DIP2C: variants seen among roughly 807,000 people sequenced by gnomAD.
DIP2C encodes disco-interacting protein 2 homolog C.
Under a neutral mutation model 192.4 loss-of-function variants are expected in DIP2C, and 33 were observed. The observed-to-expected ratio is 0.17, with a 90% CI of 0.13 to 0.23. The LOEUF is 0.23. DIP2C is among the 10% of genes least tolerant of loss of function. The probability of loss-of-function intolerance (pLI) is 1.00; values close to 1 mark genes in which losing one functional copy is unlikely to be tolerated. For synonymous variants in DIP2C, 979 were observed against 864.1 expected (o/e 1.13, Z -2.33); for missense variants, 1,537 against 2,110.1 (o/e 0.73, Z 5.32).
intron 1 of DIP2C, among the ~76,000 whole-genome samples, chr10:584,915 ACC>A (rs1850915880): frequency 8.3e-6 from 1 of 119,994 alleles, no homozygotes; most frequent in Admixed American, 9.1e-5. Flanking sequence ...AGGGCCCGCG[ACC>A]TGACCCCCAC....
intron 14 of DIP2C, 108 bp downstream of exon 14, chr10:387,637 G>T: frequency 1.1e-6 from 1 of 884,140 alleles, no homozygotes; most frequent in Non-Finnish European, 1.9e-6. Flanking sequence ...GTGGGGAGGG[G>T]ACTCCTGTGT....
chr10:358,527 G>A (rs574485734), intron 22 of DIP2C, among the ~76,000 whole-genome samples: 4 of 127,268 alleles, frequency 3.1e-5, no homozygotes, highest in Non-Finnish European at 4.9e-5. Context: ...ATAAACCAAG[G>A]GCTGTCATAA....
Position 277,040 on chromosome 10 carries a change from T to C in DIP2C, c.*285A>G, listed in dbSNP as rs1189711276. The C allele has an allele frequency of 9.0e-6, 3 of 332,320 alleles. No homozygotes were observed. The highest frequency in any genetic ancestry group is 5.1e-5 in the East Asian group (1 of 19,744). The allele number at this position is 332,320 out of a possible 1,614,324, so 20.6% of individuals were successfully genotyped here. On this transcript the variant is annotated 3_prime_UTR_variant, in exon 37 of 37. Transcript: ENST00000280886. ...GAAGAAAGCACTTATTATCCAATAA[T>C]TAAAAAAGAAAGAAAAGAAAAGAAA...
chr10:390,191 T>C lies in DIP2C; in HGVS notation c.1494+73A>G, dbSNP rs139401343. On this transcript the variant is annotated intron_variant, in intron 12 of 36. Transcript: ENST00000280886. ...CCAAGTCCCTGAATTTTGGCACTCG[T>C]GTAACCGTCAGAAACACACGTTAGT... 7.1e-5 allele frequency: 113 copies of C among 1,592,060 alleles called. No individual in the cohort carries two copies. The East Asian group carries it at 2.3e-3, about 32-fold the overall frequency.
chr10:434,021 C>G (rs1966975695), intron 4 of DIP2C, among the ~76,000 whole-genome samples: 1 of 151,810 alleles, frequency 6.6e-6, no homozygotes, highest in Admixed American at 6.6e-5. Context: ...CACAAGTAAC[C>G]CAAGCCCACT....
chr10:499,829 G>A (rs1193744217), intron 1 of DIP2C, among the ~76,000 whole-genome samples: 1 of 152,234 alleles, frequency 6.6e-6, no homozygotes, highest in African/African-American at 2.4e-5. Context: ...AAGGAACTCT[G>A]AAATGTCTAG....
At chr10:293,029 T>C (rs1249705256) in intron 32 of DIP2C, among the ~76,000 whole-genome samples, 1 of 152,254 alleles carries the variant, frequency 6.6e-6, no homozygotes, top group Non-Finnish European at 1.5e-5. Context: ...TGCGCCGGCA[T>C]ACGGCAGCAC....
chr10:291,664 G>A (rs370265960), intron 32 of DIP2C, among the ~76,000 whole-genome samples: 2 of 152,204 alleles, frequency 1.3e-5, no homozygotes, highest in African/African-American at 4.8e-5. Flanking sequence ...GTTAAGACCC[G>A]GGTCAAAGTG....
In DIP2C at chr10:651,270, TC is replaced by T; in HGVS notation, c.85+38223del. On this transcript the variant is annotated intron_variant, in intron 1 of 36. Transcript: ENST00000280886. This position sits in a 1 kb window ranked among gnomAD's most constrained non-coding sequence, Gnocchi z 4.1. ...CGTGGGTTCCGGTCACCAGTCGGCCTCCCCCACCAACGTGGACTCCTTACAA... is the reference window on the plus strand; with the variant it reads ...CGTGGGTTCCGGTCACCAGTCGGCCTCCCCACCAACGTGGACTCCTTACAA... 2.8e-6 allele frequency: 2 copies of T among 713,616 alleles called. No individual in the cohort carries two copies. 44.2% of individuals were successfully genotyped at this position (713,616 alleles called of 1,614,324 possible).
chr10:546,519 C>T (rs1848295522), intron 1 of DIP2C, among the ~76,000 whole-genome samples: 1 of 152,172 alleles, frequency 6.6e-6, no homozygotes, highest in South Asian at 2.1e-4. Flanking sequence ...TGTCTGATCC[C>T]ATGCTATATA....
Position 438,680 on chromosome 10 carries a change from A to G in DIP2C, c.394+2191T>C, listed in dbSNP as rs533130662. On this transcript the variant is annotated intron_variant, in intron 4 of 36. Transcript: ENST00000280886. ...TGATTTCTGTATTTTTGGTGGAGAC[A>G]GGGTTTTGGAATGTTGCCCAGGCTG... Among the ~76,000 whole-genome samples the G allele has an allele frequency of 8.6e-5, 13 of 151,842 alleles. No individual in the cohort carries two copies. The East Asian group carries it at 1.9e-3, about 23-fold the overall frequency.
At position 382,775 on chromosome 10, in the gene DIP2C, G is replaced by T. The variant is rs777130114; in HGVS notation, c.1877-14C>A. The T allele has an allele frequency of 6.4e-7, 1 of 1,573,830 alleles. No individual in the cohort carries two copies. The highest frequency in any genetic ancestry group is 8.7e-7 in the Non-Finnish European group (1 of 1,149,432). Reference sequence around the variant, plus strand: ...AAGAAATAGACCCTAGAGTGAAAGAGGGACAATGATCAGACAGCTGAAGCA... The same window carrying T: ...AAGAAATAGACCCTAGAGTGAAAGATGGACAATGATCAGACAGCTGAAGCA... On this transcript the variant is annotated splice_polypyrimidine_tract_variant and intron_variant, in intron 16 of 36. Transcript: ENST00000280886.
In DIP2C at chr10:383,963, G is replaced by GAA; in HGVS notation, c.1876+62_1876+63dup. The GAA allele has an allele frequency of 1.4e-5, 17 of 1,179,602 alleles. No individual in the cohort carries two copies. The South Asian group carries it at 1.7e-4, about 12-fold the overall frequency. 73.1% of individuals were successfully genotyped at this position (1,179,602 alleles called of 1,614,324 possible). A position where few individuals can be genotyped will look rare whatever the true frequency, so the allele number is the denominator to read the frequency against. Reference sequence around the variant, plus strand: ...AGACTTCACAGCCTGCCTGCCTCACGAAAAAAAAAAAAAAAAGACTCCACA... The same window carrying GAA: ...AGACTTCACAGCCTGCCTGCCTCACGAAAAAAAAAAAAAAAAAAGACTCCACA... On this transcript the variant is annotated intron_variant, in intron 16 of 36. Coordinates refer to ENST00000280886, the MANE Select transcript of DIP2C (RefSeq NM_014974.3).
chr10:337,193 G>C (rs953054353), intron 29 of DIP2C, among the ~76,000 whole-genome samples: 3 of 126,616 alleles, frequency 2.4e-5, no homozygotes, highest in Admixed American at 1.8e-4. Flanking sequence ...TGGAGGCCTA[G>C]GCAGCTGTCT....
At position 689,371 on chromosome 10, in the gene DIP2C, T is replaced by G; in HGVS notation, c.85+123A>C. 1 of 441,660 alleles carries G rather than the reference T, an allele frequency of 2.3e-6. No individual in the cohort carries two copies. The highest frequency in any genetic ancestry group is 3.0e-6 in the Non-Finnish European group (1 of 331,204). The allele number at this position is 441,660 out of a possible 1,614,324, so 27.4% of individuals were successfully genotyped here. A position where few individuals can be genotyped will look rare whatever the true frequency, so the allele number is the denominator to read the frequency against. On this transcript the variant is annotated intron_variant, in intron 1 of 36. Coordinates refer to ENST00000280886, the MANE Select transcript of DIP2C (RefSeq NM_014974.3). This position sits in a 1 kb window ranked among gnomAD's most constrained non-coding sequence, Gnocchi z 6.1. ...TCCGGGGGACGCGCACGCTCCGGGC[T>G]GGGGTCGCACCTCCCCCTCCGGGCC...
At chr10:455,475 T>G (rs1969225816) in intron 3 of DIP2C, among the ~76,000 whole-genome samples, 1 of 94,420 alleles carries the variant, frequency 1.1e-5, no homozygotes, top group African/African-American at 3.8e-5. Flanking sequence ...CACTCTGCAG[T>G]GAGTCCCTGC....
chr10:291,979 G>T (rs1955517394), intron 32 of DIP2C, among the ~76,000 whole-genome samples: 1 of 152,232 alleles, frequency 6.6e-6, no homozygotes, highest in African/African-American at 2.4e-5. Flanking sequence ...TCTCCTGCGG[G>T]AAGTGTGACT....
intron 4 of DIP2C, among the ~76,000 whole-genome samples, chr10:429,930 A>G (rs1199975087): frequency 1.3e-5 from 2 of 152,218 alleles, no homozygotes; most frequent in Non-Finnish European, 2.9e-5. Flanking sequence ...CATATGGTAA[A>G]GAGTATATTT....
At chr10:387,268 C>T (rs1963035993) in intron 14 of DIP2C, among the ~76,000 whole-genome samples, 1 of 152,238 alleles carries the variant, frequency 6.6e-6, no homozygotes, top group Non-Finnish European at 1.5e-5. Context: ...GACCCTCACA[C>T]CAGTGGCTGC....
Sources: allele counts gnomAD v4.1 joint callset (sites outside exome capture counted in the v4.1 genomes callset), GRCh38; gene constraint gnomAD v4.1.1; non-coding constraint Gnocchi (gnomAD v3.1); transcripts MANE v1.5; gene names NCBI Gene and HGNC (gene_info 2026-07-23, HGNC 2026-07-21).